NLRP11: variants seen among roughly 807,000 people sequenced by gnomAD.
NLRP11 encodes the protein NLR family pyrin domain containing 11, also known as NACHT, LRR and PYD domains-containing protein 11.
Under a neutral mutation model 79.3 loss-of-function variants are expected in NLRP11, and 53 were observed. That is an observed-to-expected ratio of 0.67 (90% CI 0.54 to 0.84). NLRP11 has a LOEUF of 0.84. Among genes scored for constraint, NLRP11 ranks in the 40% least tolerant of loss-of-function variants. NLRP11 has a pLI of 0.00. For synonymous variants in NLRP11, 518 were observed against 462.6 expected, an observed-to-expected ratio of 1.12 and a Z score of -1.54; for missense variants, 1,264 against 1,255.0, an observed-to-expected ratio of 1.01 and a Z score of -0.11.
chr19:55,794,012 C>T (rs554758372), intron 6 of NLRP11, among the ~76,000 whole-genome samples: 32 of 152,238 alleles, frequency 2.1e-4, no homozygotes, highest in South Asian at 6.2e-4. Context: ...ATTTCTTTCA[C>T]GTTCTTAGGC....
At chr19:55,811,668 G>A (rs11878799) in intron 2 of NLRP11, among the ~76,000 whole-genome samples, 15,127 of 151,756 alleles carry the variant, frequency 0.1, 1,136 homozygotes, top group East Asian at 0.24. Context: ...TATCTATGAC[G>A]TTTAGTATAC....
rs566494633 is a variant in NLRP11 at position 55,813,867 on chromosome 19, C to T, written c.272-3529G>A. On this transcript the variant is annotated intron_variant, in intron 2 of 9. Transcript: ENST00000589093. ...ACACAGCCATGGTCTCCAGGAAAGC[C>T]TTCTCTCAAACTTGGGTTCACTTCC... is the stretch of plus-strand genomic sequence containing the variant. 5.3e-5 allele frequency among the ~76,000 whole-genome samples: 8 copies of T among 152,268 alleles called. No individual in the cohort carries two copies. The South Asian group carries it at 1.5e-3, about 28-fold the overall frequency.
At chr19:55,816,039 A>G (rs1326388367) in intron 2 of NLRP11, among the ~76,000 whole-genome samples, 1 of 152,238 alleles carries the variant, frequency 6.6e-6, no homozygotes, top group Non-Finnish European at 1.5e-5. Flanking sequence ...AAGACATGCT[A>G]TACTATTTAA....
exon 5 of NLRP11, chr19:55,801,723 T>A (rs755636361): frequency 1.2e-6 from 2 of 1,614,098 alleles, no homozygotes; most frequent in South Asian, 2.2e-5. Context: ...CCAGAAGCAG[T>A]CGAGACATAG....
At chr19:55,804,435 G>C (rs1359888101) in intron 4 of NLRP11, among the ~76,000 whole-genome samples, 1 of 150,230 alleles carries the variant, frequency 6.7e-6, no homozygotes, top group African/African-American at 2.5e-5. Flanking sequence ...ATAAAAAAGA[G>C]AGCATTTTTT....
rs147897157 is a variant in NLRP11 at position 55,786,119 on chromosome 19, G to A, written c.2856-248C>T. Among the ~76,000 whole-genome samples the A allele has an allele frequency of 1.8e-4, 28 of 152,300 alleles. No homozygotes were observed. The East Asian group carries it at 4.8e-3, about 26-fold the overall frequency. On this transcript the variant is annotated intron_variant, in intron 9 of 9. Coordinates refer to ENST00000589093, the Ensembl canonical transcript of NLRP11. ...TGAAGTAATATTAGTAGTAACCAAC[G>A]CCACTACGTGCTCAATGCTTTACAT...
intron 2 of NLRP11, among the ~76,000 whole-genome samples, chr19:55,814,256 A>G (rs299176): frequency 0.95 from 144,038 of 152,228 alleles, 68,211 homozygotes; most frequent in East Asian, 1. Context: ...ATCACCCCCC[A>G]ATGGGACTGT....
chr19:55,835,252 T>C (rs1983137863), upstream of NLRP11, among the ~76,000 whole-genome samples: 3 of 152,238 alleles, frequency 2.0e-5, no homozygotes, highest in South Asian at 6.2e-4. Flanking sequence ...CCTAGGACAC[T>C]GAGGTTTGGC....
chr19:55,799,048 C>T (rs184103712), intron 5 of NLRP11, among the ~76,000 whole-genome samples: 9 of 152,298 alleles, frequency 5.9e-5, no homozygotes, highest in African/African-American at 9.6e-5. Flanking sequence ...GGGCAGATCA[C>T]GTGAGGTCAG....
At chr19:55,811,374 C>A (rs1222640901) in intron 2 of NLRP11, among the ~76,000 whole-genome samples, 1 of 152,154 alleles carries the variant, frequency 6.6e-6, no homozygotes, top group African/African-American at 2.4e-5. Flanking sequence ...TGAGCAGATA[C>A]TTGAAAATGT....
chr19:55,789,213 T>TC lies in NLRP11; in HGVS notation c.2684+15dup. 1 of 1,595,708 alleles carries TC rather than the reference T, an allele frequency of 6.3e-7. No individual in the cohort carries two copies. The highest frequency in any genetic ancestry group is 1.2e-5 in the South Asian group (1 of 86,952). On this transcript the variant is annotated intron_variant, in intron 8 of 9. Transcript: ENST00000589093. ...TGCTAGCTAAAGGCAGGGATCTTTC[T>TC]CCACCAGGCACCTACCCAATATTCA...
exon 3 of NLRP11, chr19:55,808,989 G>A: frequency 6.2e-7 from 1 of 1,614,040 alleles, no homozygotes. Flanking sequence ...GGCATATGGT[G>A]CGTCAACTTT....
chr19:55,787,677 A>C (rs1989966324), intron 9 of NLRP11, among the ~76,000 whole-genome samples: 1 of 152,136 alleles, frequency 6.6e-6, no homozygotes, highest in African/African-American at 2.4e-5. Context: ...GTGAGATGTC[A>C]CTTTTTTGGT....
intron 2 of NLRP11, 72 bp downstream of exon 2, chr19:55,817,832 A>G (rs1223532761): frequency 1.6e-6 from 2 of 1,263,804 alleles, no homozygotes; most frequent in Admixed American, 4.7e-5. Context: ...AAAAAAAAAA[A>G]AAAAAGGCCC....
At chr19:55,805,045 G>T (rs772142208) in intron 4 of NLRP11, among the ~76,000 whole-genome samples, 2 of 152,032 alleles carry the variant, frequency 1.3e-5, no homozygotes, top group African/African-American at 2.4e-5. Context: ...CTGGGTGACA[G>T]AGCAAGACGC....
chr19:55,831,001 A>T (rs1982707521), intron 1 of NLRP11, among the ~76,000 whole-genome samples: 1 of 151,940 alleles, frequency 6.6e-6, no homozygotes, highest in African/African-American at 2.4e-5. Flanking sequence ...GGTTGGGCCC[A>T]GGAACCAGTA....
chr19:55,823,159 A>G (rs1043842014), intron 1 of NLRP11, among the ~76,000 whole-genome samples: 2 of 146,004 alleles, frequency 1.4e-5, no homozygotes, highest in African/African-American at 2.6e-5. Flanking sequence ...GCACACTGAC[A>G]CCTCACACGG....
At chr19:55,818,381 G>T (rs1363758) in intron 1 of NLRP11, 145 bp from the exon 2 acceptor site, 53,752 of 555,404 alleles carry the variant, frequency 0.097, 3,073 homozygotes, top group East Asian at 0.14. Context: ...TTCTGTCTGG[G>T]TCAATGGCCT....
intron 1 of NLRP11, among the ~76,000 whole-genome samples, chr19:55,828,482 T>C (rs16986665): frequency 0.08 from 12,215 of 152,294 alleles, 664 homozygotes; most frequent in Middle Eastern, 0.16. Context: ...AGATCTGTAC[T>C]TCTCATGGAG....
Sources: gnomAD v4.1 joint callset for allele counts (sites outside exome capture counted in the v4.1 genomes callset) on GRCh38, gnomAD v4.1.1 for gene constraint, MANE v1.5 for transcripts, NCBI Gene and HGNC (gene_info 2026-07-23, HGNC 2026-07-21) for gene names.